The following GPR39 variants were observed in gnomAD, a reference collection of about 807,000 sequenced individuals.
GPR39 encodes the protein G protein-coupled receptor 39, also known as zinc sensing receptor.
A neutral mutation model predicts 18.4 loss-of-function variants in GPR39; 23 were observed. The observed-to-expected ratio is 1.25, with a 90% CI of 0.90 to 1.77. The LOEUF is 1.77. Among genes scored for constraint, GPR39 ranks in the 40% most tolerant of loss-of-function variants. The pLI, the probability that GPR39 is intolerant of heterozygous loss-of-function variation, is 0.00. For missense variants in GPR39, 647 were observed against 602.4 expected (o/e 1.07, Z -0.78); for synonymous variants, 280 against 257.9 (o/e 1.09, Z -0.82).
At chr2:132,643,000 C>T (rs1681886320) in intron 1 of GPR39, among the ~76,000 whole-genome samples, 2 of 152,114 alleles carry the variant, frequency 1.3e-5, no homozygotes, top group Non-Finnish European at 2.9e-5. Context: ...AAACAAGGAG[C>T]AGGAACTTAA....
At chr2:132,635,864 A>G (rs910807770) in intron 1 of GPR39, among the ~76,000 whole-genome samples, 14 of 152,090 alleles carry the variant, frequency 9.2e-5, no homozygotes, top group Non-Finnish European at 1.6e-4. Context: ...GCTTCTCCCC[A>G]CCTCTATACC....
chr2:132,579,566 A>G (rs1412412167), intron 1 of GPR39, among the ~76,000 whole-genome samples: 2 of 152,212 alleles, frequency 1.3e-5, no homozygotes, highest in African/African-American at 4.8e-5. Flanking sequence ...AGTTCCAACT[A>G]TAAGACTATG....
intron 1 of GPR39, among the ~76,000 whole-genome samples, chr2:132,504,740 G>A (rs867840624): frequency 6.3e-4 from 96 of 152,152 alleles, no homozygotes; most frequent in African/African-American, 2.3e-3. Context: ...ATAACCATCT[G>A]GTGACTCTCT....
chr2:132,628,764 C>CGT (rs138130883), intron 1 of GPR39, among the ~76,000 whole-genome samples: 132 of 151,366 alleles, frequency 8.7e-4, no homozygotes, highest in East Asian at 1.6e-3. Context: ...CATAGTAATA[C>CGT]GTGTGTGTGT....
At chr2:132,622,921 A>G (rs1681467724) in intron 1 of GPR39, among the ~76,000 whole-genome samples, 1 of 152,112 alleles carries the variant, frequency 6.6e-6, no homozygotes, top group Admixed American at 6.5e-5. Context: ...AGAGCAGCCT[A>G]ACCAACCTGG....
chr2:132,565,066 G>A (rs1680324742), intron 1 of GPR39, among the ~76,000 whole-genome samples: 1 of 151,906 alleles, frequency 6.6e-6, no homozygotes. Flanking sequence ...TGATCCACCT[G>A]CCTCAGCCTC....
intron 1 of GPR39, among the ~76,000 whole-genome samples, chr2:132,594,154 C>T (rs571115684): frequency 6.6e-5 from 10 of 152,254 alleles, no homozygotes; most frequent in East Asian, 1.9e-4. Flanking sequence ...CTGGGGGACC[C>T]GTCATACCCA....
chr2:132,557,803 A>T (rs1054061617), intron 1 of GPR39, among the ~76,000 whole-genome samples: 1 of 152,158 alleles, frequency 6.6e-6, no homozygotes, highest in Admixed American at 6.5e-5. Context: ...GAAAACATGA[A>T]TTTACAAGAG....
intron 1 of GPR39, among the ~76,000 whole-genome samples, chr2:132,485,989 A>G (rs1681330414): frequency 6.6e-6 from 1 of 152,240 alleles, no homozygotes; most frequent in Admixed American, 6.5e-5. Context: ...TTCTTAAATA[A>G]TTAGACTCAA....
At chr2:132,483,871 A>C (rs916321922) in intron 1 of GPR39, among the ~76,000 whole-genome samples, 1 of 152,234 alleles carries the variant, frequency 6.6e-6, no homozygotes, top group Admixed American at 6.5e-5. Context: ...GATAGAGGAT[A>C]CTGCAAAATA....
intron 1 of GPR39, among the ~76,000 whole-genome samples, chr2:132,555,758 G>A (rs4521100): frequency 0.12 from 18,843 of 152,226 alleles, 1,956 homozygotes; most frequent in East Asian, 0.54. Flanking sequence ...GGCTGACTAT[G>A]ACACAGAGCT....
chr2:132,644,872 A>ATGGTC (rs1681968074), intron 1 of GPR39: 1 of 565,804 alleles, frequency 1.8e-6, no homozygotes, highest in East Asian at 2.9e-5. Flanking sequence ...AAAGCATTTA[A>ATGGTC]TGGTCTTTCT....
chr2:132,632,926 C>T (rs1026134030), intron 1 of GPR39, among the ~76,000 whole-genome samples: 1 of 152,124 alleles, frequency 6.6e-6, no homozygotes, highest in South Asian at 2.1e-4. Context: ...ATCAGTTTCA[C>T]AGAGATATAG....
At chr2:132,525,810 A>G (rs1313989591) in intron 1 of GPR39, among the ~76,000 whole-genome samples, 2 of 152,146 alleles carry the variant, frequency 1.3e-5, no homozygotes, top group Admixed American at 1.3e-4. Flanking sequence ...ATGTCCCTTC[A>G]TGTTGTTTAT....
intron 1 of GPR39, among the ~76,000 whole-genome samples, chr2:132,560,406 GTC>G (rs1680230824): frequency 6.6e-6 from 1 of 152,122 alleles, no homozygotes; most frequent in African/African-American, 2.4e-5. Context: ...CTGCTCTCCA[GTC>G]TCTCCCCATC....
chr2:132,501,059 T>G (rs1679027951), intron 1 of GPR39, among the ~76,000 whole-genome samples: 1 of 146,056 alleles, frequency 6.8e-6, no homozygotes, highest in South Asian at 2.1e-4. Flanking sequence ...TTTGTGTTTT[T>G]TTTTTTTTTT....
chr2:132,614,974 A>G (rs1252502314), intron 1 of GPR39, among the ~76,000 whole-genome samples: 18 of 152,082 alleles, frequency 1.2e-4, no homozygotes, highest in Admixed American at 1.2e-3. Context: ...TTCTTCCCAG[A>G]ATTAAAGTTT....
chr2:132,427,108 TATATA>T (rs1191579787), intron 1 of GPR39, among the ~76,000 whole-genome samples: 1 of 129,250 alleles, frequency 7.7e-6, no homozygotes, highest in Non-Finnish European at 1.6e-5. Context: ...GGTACATATA[TATATA>T]ATATACATAT....
intron 1 of GPR39, among the ~76,000 whole-genome samples, chr2:132,465,775 A>T (rs1423301268): frequency 6.6e-6 from 1 of 152,192 alleles, no homozygotes; most frequent in African/African-American, 2.4e-5. Flanking sequence ...AATAGCTTAT[A>T]TGACCTCAGG....
Sources: allele counts gnomAD v4.1 joint callset (sites outside exome capture counted in the v4.1 genomes callset), GRCh38; gene constraint gnomAD v4.1.1; transcripts MANE v1.5; gene names NCBI Gene and HGNC (gene_info 2026-07-23, HGNC 2026-07-21).